The following GCNT1 variants were observed in gnomAD, a reference collection of about 807,000 sequenced individuals.
GCNT1 encodes glucosaminyl (N-acetyl) transferase 1, also known as beta-1,3-galactosyl-O-glycosyl-glycoprotein beta-1,6-N-acetylglucosaminyltransferase.
A neutral mutation model predicts 26.2 loss-of-function variants in GCNT1; 16 were observed. The ratio of observed to expected loss-of-function variants is 0.61; its 90% CI spans 0.41 to 0.93. GCNT1 has a LOEUF of 0.93. GCNT1 is among the 40% of genes least tolerant of loss of function. The pLI is 0.00. For synonymous variants in GCNT1, 183 were observed against 190.8 expected (o/e 0.96, Z 0.34); for missense variants, 477 against 526.7 (o/e 0.91, Z 0.92).
chr9:76,482,183 G>T (rs578065087), intron 2 of GCNT1, among the ~76,000 whole-genome samples: 2 of 152,054 alleles, frequency 1.3e-5, no homozygotes, highest in Non-Finnish European at 2.9e-5. Flanking sequence ...CACCCATGGC[G>T]AATTGCCTCC....
At chr9:76,395,255 T>C in the GCNT1 span, among the ~76,000 whole-genome samples, 2 of 152,306 alleles carry the variant, frequency 1.3e-5, no homozygotes, top group Middle Eastern at 6.8e-3. Context: ...TCTTAACGTC[T>C]CGAAGACAAA....
At chr9:76,408,745 T>C in the GCNT1 span, among the ~76,000 whole-genome samples, 1 of 152,050 alleles carries the variant, frequency 6.6e-6, no homozygotes, top group African/African-American at 2.4e-5. Context: ...TAGTGTAGAG[T>C]GGCACAATCT....
chr9:76,444,152 A>C (rs894505700), intron 1 of GCNT1, among the ~76,000 whole-genome samples: 2 of 152,172 alleles, frequency 1.3e-5, no homozygotes, highest in African/African-American at 4.8e-5. Context: ...CGGGAGAAGA[A>C]GATAAGGAGC....
chr9:76,497,803 C>T (rs1279614155), intron 2 of GCNT1, among the ~76,000 whole-genome samples: 1 of 152,188 alleles, frequency 6.6e-6, no homozygotes, highest in African/African-American at 2.4e-5. Context: ...CAATTTGTAA[C>T]TTAAAATCTG....
Position 76,477,313 on chromosome 9 carries a change from G to A in GCNT1, c.-290+17136G>A, listed in dbSNP as rs538038579. 8.0e-4 allele frequency among the ~76,000 whole-genome samples: 121 copies of A among 151,008 alleles called. 3 individuals are homozygous for A. Among genetic ancestry groups the A allele is most frequent in the Admixed American group, 1.7e-3 (26 of 15,146 alleles). On this transcript the variant is annotated intron_variant, in intron 2 of 3. Coordinates refer to ENST00000376730, the MANE Select transcript of GCNT1 (RefSeq NM_001490.5). Reference sequence around the variant, plus strand: ...GAGGCCGAGGCGGGTGGATCACGAGGTCAGGAGTTTGAGACCAGCCTTGCC... The same window carrying A: ...GAGGCCGAGGCGGGTGGATCACGAGATCAGGAGTTTGAGACCAGCCTTGCC...
upstream of GCNT1, among the ~76,000 whole-genome samples, chr9:76,441,209 G>A (rs145407927): frequency 0.01 from 1,554 of 151,970 alleles, 79 homozygotes; most frequent in Admixed American, 0.084. Context: ...GCAGTGGCGC[G>A]ATCTCAGCTC....
At chr9:76,488,068 T>C (rs1824629209) in intron 2 of GCNT1, among the ~76,000 whole-genome samples, 1 of 152,224 alleles carries the variant, frequency 6.6e-6, no homozygotes, top group Non-Finnish European at 1.5e-5. Context: ...CTCCAGTAGC[T>C]GGACAGTAGC....
chr9:76,418,173 C>T (rs2131568052), upstream of GCNT1, among the ~76,000 whole-genome samples: 1 of 152,156 alleles, frequency 6.6e-6, no homozygotes, highest in African/African-American at 2.4e-5. Context: ...GTTATAGGTA[C>T]ATTTAAAATA....
At chr9:76,482,023 A>T (rs1824435410) in intron 2 of GCNT1, among the ~76,000 whole-genome samples, 2 of 152,166 alleles carry the variant, frequency 1.3e-5, no homozygotes, top group African/African-American at 2.4e-5. Context: ...CATTGTCTTT[A>T]TTATATTGTC....
intron 1 of GCNT1, among the ~76,000 whole-genome samples, chr9:76,423,022 G>A (rs1823218657): frequency 1.3e-5 from 2 of 152,326 alleles, no homozygotes; most frequent in South Asian, 4.1e-4. Context: ...ATCCTCAGCA[G>A]GTTAGGCATA....
At chr9:76,399,526 G>A in the GCNT1 span, 1 of 1,583,416 alleles carries the variant, frequency 6.3e-7, no homozygotes, top group Non-Finnish European at 8.6e-7. Flanking sequence ...CGGAAGACTG[G>A]TCTGCAGCTC....
chr9:76,428,099 T>C (rs1433496583), intron 1 of GCNT1, among the ~76,000 whole-genome samples: 1 of 151,598 alleles, frequency 6.6e-6, no homozygotes, highest in Non-Finnish European at 1.5e-5. Flanking sequence ...ACCCCATCTC[T>C]ACTAAAAATA....
At position 76,503,785 on chromosome 9, in the gene GCNT1, C is replaced by G. The variant is rs928790227; in HGVS notation, c.*117C>G. 21 of 760,784 alleles carry G rather than the reference C, an allele frequency of 2.8e-5. No individual in the cohort carries two copies. The highest frequency in any genetic ancestry group is 1.3e-4 in the East Asian group (5 of 39,456). The allele number at this position is 760,784 out of a possible 1,614,324, so 47.1% of individuals were successfully genotyped here. A position where few individuals can be genotyped will look rare whatever the true frequency, so the allele number is the denominator to read the frequency against. ...TGAAGTCCTCTTTGGGGCAGGGACTCTAGTAGATCTTCTTGTCAGAGAAGC... is the reference window on the plus strand; with the variant it reads ...TGAAGTCCTCTTTGGGGCAGGGACTGTAGTAGATCTTCTTGTCAGAGAAGC... On this transcript the variant is annotated 3_prime_UTR_variant, in exon 4 of 4. Coordinates refer to ENST00000376730, the MANE Select transcript of GCNT1 (RefSeq NM_001490.5).
chr9:76,427,843 G>A lies in GCNT1; in HGVS notation n.38+7956G>A, dbSNP rs146293950. Among the ~76,000 whole-genome samples the A allele has an allele frequency of 2.5e-3, 377 of 152,172 alleles. 1 individual carries two copies. The highest frequency in any genetic ancestry group is 8.9e-3 in the African/African-American group (368 of 41,514). On this transcript the variant is annotated intron_variant and non_coding_transcript_variant, in intron 1 of 3. Coordinates refer to the GCNT1 transcript ENST00000488136. ...CTCTACTAAAAGCACAAAAATCAGC[G>A]TGGTAGCACACACCTGCAGTCCCAG...
At chr9:76,487,915 G>A (rs1169915147) in intron 2 of GCNT1, among the ~76,000 whole-genome samples, 1 of 152,058 alleles carries the variant, frequency 6.6e-6, no homozygotes, top group African/African-American at 2.4e-5. Flanking sequence ...CATATTTTTT[G>A]TAGAGACAGA....
rs561376737 is a variant in GCNT1 at position 76,461,673 on chromosome 9, AG to A, written c.-290+1498del. Among the ~76,000 whole-genome samples the A allele has an allele frequency of 3.8e-3, 579 of 152,208 alleles. 3 individuals carry two copies. Among genetic ancestry groups the A allele is most frequent in the Non-Finnish European group, 7.1e-3 (485 of 68,016 alleles). Reference sequence around the variant, plus strand: ...GAGGCTGAGGCAGGTGGATCACTTGAGGTCAGGAGTTCAAGACCAGCCTGAC... The same window carrying A: ...GAGGCTGAGGCAGGTGGATCACTTGAGTCAGGAGTTCAAGACCAGCCTGAC... On this transcript the variant is annotated intron_variant, in intron 2 of 3. Coordinates refer to ENST00000376730, the MANE Select transcript of GCNT1 (RefSeq NM_001490.5).
At chr9:76,427,529 GA>G (rs1033815245) in intron 1 of GCNT1, among the ~76,000 whole-genome samples, 8 of 151,984 alleles carry the variant, frequency 5.3e-5, no homozygotes, top group Admixed American at 3.3e-4. Flanking sequence ...ACCTTCTGAA[GA>G]AAAATTTGAC....
chr9:76,501,366 A>C (rs530224408), intron 3 of GCNT1, among the ~76,000 whole-genome samples: 1 of 152,342 alleles, frequency 6.6e-6, no homozygotes, highest in African/African-American at 2.4e-5. Context: ...TTCATATAGT[A>C]AAAGTGGGTT....
intron 2 of GCNT1, among the ~76,000 whole-genome samples, chr9:76,467,893 C>T (rs1019711492): frequency 1.1e-3 from 134 of 125,470 alleles, no homozygotes; most frequent in African/African-American, 3.8e-3. Flanking sequence ...GTCCCTCTTT[C>T]AGTGTTTTTT....
Sources: allele counts gnomAD v4.1 joint callset (sites outside exome capture counted in the v4.1 genomes callset), GRCh38; gene constraint gnomAD v4.1.1; transcripts MANE v1.5; gene names NCBI Gene and HGNC (gene_info 2026-07-23, HGNC 2026-07-21).